Variants in ARHGAP26 observed in about 807,000 individuals in gnomAD.
ARHGAP26 encodes the protein rho GTPase-activating protein 26.
Under a neutral mutation model 104.8 loss-of-function variants are expected in ARHGAP26, and 38 were observed. The observed-to-expected ratio is 0.36, with a 90% confidence interval of 0.28 to 0.48. The LOEUF (loss-of-function observed/expected upper bound fraction) is 0.48. Ranked by LOEUF, ARHGAP26 falls within the 20% of genes least tolerant of loss-of-function variation. The pLI is 0.99. For missense variants in ARHGAP26, 704 were observed against 947.9 expected (o/e 0.74, Z 3.38); for synonymous variants, 341 against 340.0 (o/e 1.00, Z -0.03).
intron 11 of ARHGAP26, among the ~76,000 whole-genome samples, chr5:142,941,201 G>A (rs1314324749): frequency 6.6e-6 from 1 of 151,270 alleles, no homozygotes; most frequent in Admixed American, 6.6e-5. Flanking sequence ...TTTCCACAAT[G>A]GTTGAACTAA....
intron 11 of ARHGAP26, among the ~76,000 whole-genome samples, chr5:142,940,221 A>G (rs543780311): frequency 6.6e-6 from 1 of 152,308 alleles, no homozygotes; most frequent in African/African-American, 2.4e-5. Flanking sequence ...TAAGTGATTG[A>G]AAGAGTATGG....
At chr5:143,128,484 G>A (rs1263944469) in intron 18 of ARHGAP26, among the ~76,000 whole-genome samples, 1 of 152,126 alleles carries the variant, frequency 6.6e-6, no homozygotes, top group Non-Finnish European at 1.5e-5. Flanking sequence ...CTGCCAAAAT[G>A]CTGATATCAA....
Position 143,222,574 on chromosome 5 carries a change from A to G in ARHGAP26, c.*128A>G, listed in dbSNP as rs1811344990. ...ACTGACTCTGTTGCTACCTGTCAAC[A>G]TGAATGTTTCTGTGAGCTCTGGTGT... On this transcript the variant is annotated 3_prime_UTR_variant, in exon 23 of 23. Transcript: ENST00000645722. 2 of 652,214 alleles carry G rather than the reference A, an allele frequency of 3.1e-6. No individual in the cohort carries two copies. The highest frequency in any genetic ancestry group is 3.0e-4 in the Middle Eastern group (1 of 3,370). 40.4% of individuals were successfully genotyped at this position (652,214 alleles called of 1,614,324 possible).
At chr5:142,779,952 A>G (rs941618503) in intron 1 of ARHGAP26, among the ~76,000 whole-genome samples, 2 of 152,258 alleles carry the variant, frequency 1.3e-5, no homozygotes, top group Admixed American at 1.3e-4. Flanking sequence ...GGTAATACCT[A>G]TAAGTTGTTC....
At chr5:143,137,167 A>G (rs1462611595) in intron 19 of ARHGAP26, among the ~76,000 whole-genome samples, 1 of 152,262 alleles carries the variant, frequency 6.6e-6, no homozygotes, top group Non-Finnish European at 1.5e-5. Context: ...TAAAATAAAC[A>G]TGTAACCATT....
intron 17 of ARHGAP26, among the ~76,000 whole-genome samples, chr5:143,095,040 A>T (rs1792099960): frequency 6.6e-6 from 1 of 152,138 alleles, no homozygotes; most frequent in African/African-American, 2.4e-5. Flanking sequence ...CTTGGTTTTA[A>T]TTCTGTGAAA....
intron 1 of ARHGAP26, among the ~76,000 whole-genome samples, chr5:142,870,910 G>A (rs1479777924): frequency 6.6e-6 from 1 of 152,228 alleles, no homozygotes; most frequent in Non-Finnish European, 1.5e-5. Context: ...ACAAGCTTGA[G>A]ATGCTGTCCC....
At chr5:143,206,937 C>T (rs1431306228) in intron 20 of ARHGAP26, among the ~76,000 whole-genome samples, 2 of 152,304 alleles carry the variant, frequency 1.3e-5, no homozygotes, top group African/African-American at 4.8e-5. Context: ...TGTACATGAT[C>T]GAAGAAGCTT....
intron 17 of ARHGAP26, among the ~76,000 whole-genome samples, chr5:143,105,118 A>G (rs969615445): frequency 1.3e-5 from 2 of 152,128 alleles, no homozygotes; most frequent in Admixed American, 6.6e-5. Context: ...GCTCATGCCT[A>G]TAATCCCAGC....
At chr5:142,892,527 G>A (rs1404967759) in intron 5 of ARHGAP26, among the ~76,000 whole-genome samples, 3 of 151,918 alleles carry the variant, frequency 2.0e-5, no homozygotes, top group African/African-American at 2.4e-5. Context: ...ATTAAATAAG[G>A]TAATGTATGT....
chr5:143,070,220 C>T (rs919800017), intron 17 of ARHGAP26, among the ~76,000 whole-genome samples: 6 of 152,200 alleles, frequency 3.9e-5, no homozygotes, highest in Non-Finnish European at 1.5e-5. Flanking sequence ...AACTACATTT[C>T]CCTTCATAAT....
At chr5:142,884,059 T>C (rs1757366468) in intron 4 of ARHGAP26, among the ~76,000 whole-genome samples, 1 of 152,234 alleles carries the variant, frequency 6.6e-6, no homozygotes, top group Non-Finnish European at 1.5e-5. Context: ...AACATCCCTA[T>C]GGGTTCAGGC....
chr5:142,879,662 T>A (rs1756668776), intron 4 of ARHGAP26, among the ~76,000 whole-genome samples: 1 of 152,218 alleles, frequency 6.6e-6, no homozygotes, highest in Non-Finnish European at 1.5e-5. Context: ...GGAGGGGCCA[T>A]TCTGGTATTT....
intron 10 of ARHGAP26, among the ~76,000 whole-genome samples, chr5:142,915,048 ATT>A (rs1281803903): frequency 6.6e-6 from 1 of 152,110 alleles, no homozygotes; most frequent in Non-Finnish European, 1.5e-5. Flanking sequence ...AAGCTGAATT[ATT>A]TTTGTGTTTT....
At chr5:142,990,219 G>A (rs1181384283) in intron 11 of ARHGAP26, among the ~76,000 whole-genome samples, 1 of 152,100 alleles carries the variant, frequency 6.6e-6, no homozygotes, top group African/African-American at 2.4e-5. Flanking sequence ...TTCAATCACT[G>A]ATACCCTTTC....
At chr5:143,015,779 A>G (rs1779507246) in intron 12 of ARHGAP26, among the ~76,000 whole-genome samples, 3 of 152,220 alleles carry the variant, frequency 2.0e-5, no homozygotes. Context: ...CCAGAAGTTT[A>G]CTTTTAACTT....
chr5:143,012,577 T>TATAAA, intron 11 of ARHGAP26, among the ~76,000 whole-genome samples: 1 of 19,096 alleles, frequency 5.2e-5, no homozygotes, highest in African/African-American at 1.1e-4. Context: ...ATATATATAT[T>TATAAA]ATGATCAGGT....
At chr5:142,788,655 C>T (rs1233910660) in intron 1 of ARHGAP26, among the ~76,000 whole-genome samples, 2 of 152,100 alleles carry the variant, frequency 1.3e-5, no homozygotes, top group African/African-American at 4.8e-5. Context: ...GAGCTATTAC[C>T]TTGTATTAGG....
intron 12 of ARHGAP26, among the ~76,000 whole-genome samples, chr5:143,028,591 T>C (rs1005726985): frequency 6.6e-6 from 1 of 152,218 alleles, no homozygotes; most frequent in African/African-American, 2.4e-5. Flanking sequence ...GATCATGTAT[T>C]GAATACCAAG....
Sources: gnomAD v4.1 joint callset for allele counts (sites outside exome capture counted in the v4.1 genomes callset) on GRCh38, gnomAD v4.1.1 for gene constraint, MANE v1.5 for transcripts, NCBI Gene and HGNC (gene_info 2026-07-23, HGNC 2026-07-21) for gene names.